DLG2: variants seen among roughly 807,000 people sequenced by gnomAD.
DLG2 encodes the protein discs large MAGUK scaffold protein 2, also known as disks large homolog 2.
DLG2 carries 45 observed loss-of-function variants against 132.5 expected under a neutral mutation model. The observed-to-expected ratio is 0.34, with a 90% CI of 0.27 to 0.44. The LOEUF is 0.44. Ranked by LOEUF, DLG2 falls within the 20% of genes least tolerant of loss-of-function variation. The pLI is 1.00. For missense variants in DLG2, 1,045 were observed against 1,196.9 expected (o/e 0.87, Z 1.87); for synonymous variants, 424 against 419.6 (o/e 1.01, Z -0.13).
At chr11:85,191,143 T>TGCGCGCGCGC (rs201015532) in intron 4 of DLG2, among the ~76,000 whole-genome samples, 63 of 141,204 alleles carry the variant, frequency 4.5e-4, no homozygotes, top group African/African-American at 1.7e-3. Context: ...TCTATATGCA[T>TGCGCGCGCGC]GCGCGCGCGC....
At chr11:85,259,763 T>A (rs1459053608) in intron 4 of DLG2, among the ~76,000 whole-genome samples, 1 of 152,026 alleles carries the variant, frequency 6.6e-6, no homozygotes, top group Admixed American at 6.6e-5. Flanking sequence ...AAATTGCAAA[T>A]TATTTAATAC....
chr11:84,642,525 T>C (rs756334863), intron 6 of DLG2, among the ~76,000 whole-genome samples: 4 of 152,160 alleles, frequency 2.6e-5, no homozygotes, highest in African/African-American at 4.8e-5. Flanking sequence ...AAGCACCATA[T>C]GAAGTTCTGG....
At chr11:85,323,275 C>A (rs553002872) in intron 3 of DLG2, among the ~76,000 whole-genome samples, 5 of 152,214 alleles carry the variant, frequency 3.3e-5, no homozygotes. Flanking sequence ...CAAAGGATCT[C>A]TTTCCTAACT....
At chr11:84,620,331 A>AT (rs900912024) in intron 6 of DLG2, among the ~76,000 whole-genome samples, 2 of 151,926 alleles carry the variant, frequency 1.3e-5, no homozygotes, top group African/African-American at 4.8e-5. Context: ...ATACTTAAAT[A>AT]TAAAAATTTT....
chr11:84,400,597 C>T (rs539460588), intron 7 of DLG2, among the ~76,000 whole-genome samples: 7 of 152,290 alleles, frequency 4.6e-5, no homozygotes, highest in Admixed American at 2.6e-4. Context: ...GTTATCCAAA[C>T]GCTTAAATAT....
At chr11:85,604,163 T>TA (rs2080357101) in intron 2 of DLG2, among the ~76,000 whole-genome samples, 1 of 152,210 alleles carries the variant, frequency 6.6e-6, no homozygotes, top group South Asian at 2.1e-4. Flanking sequence ...CGCTGTAGGA[T>TA]AAAAATTTGA....
At chr11:85,261,741 C>T (rs1417169321) in intron 4 of DLG2, among the ~76,000 whole-genome samples, 3 of 152,200 alleles carry the variant, frequency 2.0e-5, no homozygotes, top group African/African-American at 7.2e-5. Context: ...ATGAATTTGA[C>T]AAGTTGAAGA....
intron 6 of DLG2, among the ~76,000 whole-genome samples, chr11:84,561,097 G>A (rs1681493140): frequency 6.6e-6 from 1 of 152,008 alleles, no homozygotes; most frequent in African/African-American, 2.4e-5. Flanking sequence ...ACAGTATATT[G>A]GGCATTTGGA....
intron 6 of DLG2, among the ~76,000 whole-genome samples, chr11:84,541,718 T>C (rs2099372094): frequency 6.6e-6 from 1 of 152,248 alleles, no homozygotes; most frequent in Admixed American, 6.5e-5. Context: ...TAAACTGTAA[T>C]TATCTGAGCA....
intron 11 of DLG2, among the ~76,000 whole-genome samples, chr11:84,035,486 A>C (rs1433667252): frequency 6.6e-6 from 1 of 152,228 alleles, no homozygotes; most frequent in Non-Finnish European, 1.5e-5. Context: ...AGCCAACTAC[A>C]AAAGCTGTAG....
At chr11:85,413,032 G>C (rs1027166675) in intron 3 of DLG2, among the ~76,000 whole-genome samples, 1 of 151,836 alleles carries the variant, frequency 6.6e-6, no homozygotes, top group Non-Finnish European at 1.5e-5. Flanking sequence ...CCCACCAGCA[G>C]TGTAGAAGTG....
chr11:84,273,306 G>C (rs1397757858), intron 7 of DLG2: 1 of 787,142 alleles, frequency 1.3e-6, no homozygotes, highest in Non-Finnish European at 1.5e-6. Flanking sequence ...AGTTGAAGAG[G>C]AAAAAAAAAA....
chr11:84,824,912 T>C (rs2078149710), intron 6 of DLG2, among the ~76,000 whole-genome samples: 1 of 151,890 alleles, frequency 6.6e-6, no homozygotes, highest in Non-Finnish European at 1.5e-5. Context: ...GAATTAAGCA[T>C]TTGTTCTCCA....
At chr11:83,827,234 T>C (rs944064883) in intron 17 of DLG2, among the ~76,000 whole-genome samples, 8 of 151,986 alleles carry the variant, frequency 5.3e-5, no homozygotes, top group Non-Finnish European at 1.2e-4. Flanking sequence ...CCAGCAGAGA[T>C]TTAGAAATGT....
chr11:85,593,489 C>G (rs2079515586), intron 3 of DLG2, among the ~76,000 whole-genome samples: 1 of 152,146 alleles, frequency 6.6e-6, no homozygotes, highest in Non-Finnish European at 1.5e-5. Flanking sequence ...GGTCCAAGAA[C>G]CACATCTTGA....
intron 6 of DLG2, among the ~76,000 whole-genome samples, chr11:84,930,556 C>T (rs1240094390): frequency 1.3e-5 from 2 of 152,136 alleles, no homozygotes; most frequent in Non-Finnish European, 2.9e-5. Flanking sequence ...CTTCCTCCAT[C>T]CTCATTCCAC....
intron 8 of DLG2, among the ~76,000 whole-genome samples, chr11:84,227,071 C>G (rs1026145785): frequency 2.6e-5 from 4 of 151,304 alleles, no homozygotes; most frequent in Non-Finnish European, 5.9e-5. Context: ...GGCAACAGAG[C>G]CAGGCTCCAT....
At chr11:84,711,987 G>A (rs2060507427) in intron 6 of DLG2, among the ~76,000 whole-genome samples, 1 of 151,926 alleles carries the variant, frequency 6.6e-6, no homozygotes, top group Non-Finnish European at 1.5e-5. Flanking sequence ...GTTTACACGG[G>A]CAAATGGATA....
chr11:85,120,418 A>G (rs895251471), intron 5 of DLG2, among the ~76,000 whole-genome samples: 6 of 152,068 alleles, frequency 3.9e-5, no homozygotes, highest in Non-Finnish European at 8.8e-5. Context: ...AGAAAACACC[A>G]TATCTAGAAA....
Sources: gnomAD v4.1 joint callset for allele counts (sites outside exome capture counted in the v4.1 genomes callset) on GRCh38, gnomAD v4.1.1 for gene constraint, MANE v1.5 for transcripts, NCBI Gene and HGNC (gene_info 2026-07-23, HGNC 2026-07-21) for gene names.